The following NEK1 variants were observed in gnomAD, a reference collection of about 807,000 sequenced individuals.
NEK1 encodes the protein serine/threonine-protein kinase Nek1.
A neutral mutation model predicts 182.1 loss-of-function variants in NEK1; 137 were observed. The observed-to-expected ratio is 0.75, with a 90% CI of 0.65 to 0.87. The LOEUF (loss-of-function observed/expected upper bound fraction) is 0.87. Among genes scored for constraint, NEK1 ranks in the 40% least tolerant of loss-of-function variants. NEK1 has a pLI of 0.00. For missense variants in NEK1, 1,391 were observed against 1,494.4 expected (o/e 0.93, Z 1.14); for synonymous variants, 513 against 492.2 (o/e 1.04, Z -0.56).
At chr4:169,490,186 T>C (rs899402763) in intron 23 of NEK1, among the ~76,000 whole-genome samples, 2 of 152,096 alleles carry the variant, frequency 1.3e-5, no homozygotes, top group African/African-American at 2.4e-5. Flanking sequence ...CTCAAATTGA[T>C]TACAACTGAA....
At chr4:169,522,238 T>C (rs1449691890) in intron 19 of NEK1, among the ~76,000 whole-genome samples, 1 of 152,222 alleles carries the variant, frequency 6.6e-6, no homozygotes, top group African/African-American at 2.4e-5. Flanking sequence ...AAAACTTCTA[T>C]TTGTTTGCTG....
chr4:169,450,647 C>A (rs1390030952), intron 27 of NEK1, among the ~76,000 whole-genome samples: 1 of 152,032 alleles, frequency 6.6e-6, no homozygotes, highest in Non-Finnish European at 1.5e-5. Flanking sequence ...TACAAGAGCT[C>A]CTGAAGGAAG....
rs1357103818 is a variant in NEK1, at chr4:169,477,623, TA to T, written c.2140-127del. ...GTTCCTTGTAAATTTTTTATTCCTA[TA>T]AAATGTTAACAAAGCTTCCTTCATT... is the stretch of plus-strand genomic sequence containing the variant. On this transcript the variant is annotated intron_variant, in intron 24 of 35. Transcript: ENST00000507142. The T allele has an allele frequency of 6.0e-6, 4 of 661,486 alleles. No individual in the cohort carries two copies. The Admixed American group carries it at 1.3e-4, about 22-fold the overall frequency. 41.0% of individuals were successfully genotyped at this position (661,486 alleles called of 1,614,324 possible). A position where few individuals can be genotyped will look rare whatever the true frequency, so the allele number is the denominator to read the frequency against.
chr4:169,496,140 T>G (rs189681721), intron 23 of NEK1, among the ~76,000 whole-genome samples: 213 of 152,344 alleles, frequency 1.4e-3, no homozygotes, highest in African/African-American at 4.9e-3. Context: ...GTTGGATTGC[T>G]AGGTATTTTA....
chr4:169,443,496 A>T (rs1383132644), intron 27 of NEK1, among the ~76,000 whole-genome samples: 1 of 151,982 alleles, frequency 6.6e-6, no homozygotes, highest in Non-Finnish European at 1.5e-5. Context: ...AAAGGATAAA[A>T]GAAAAAAAAA....
At chr4:169,459,681 A>G (rs1416955292) in intron 27 of NEK1, among the ~76,000 whole-genome samples, 1 of 152,218 alleles carries the variant, frequency 6.6e-6, no homozygotes, top group Non-Finnish European at 1.5e-5. Context: ...ACATCCATAC[A>G]ATGTAATATT....
chr4:169,433,063 C>A (rs925233656), intron 29 of NEK1, among the ~76,000 whole-genome samples: 12 of 151,850 alleles, frequency 7.9e-5, no homozygotes, highest in Non-Finnish European at 1.8e-4. Context: ...CCGTGCCTGG[C>A]CCACTTTATT....
chr4:169,395,669 T>C (rs541819686), intron 35 of NEK1, among the ~76,000 whole-genome samples: 2 of 152,322 alleles, frequency 1.3e-5, no homozygotes, highest in South Asian at 2.1e-4. Context: ...CACATATCCA[T>C]AATATGTAGA....
intron 23 of NEK1, among the ~76,000 whole-genome samples, chr4:169,492,482 C>T (rs1346003760): frequency 6.6e-6 from 1 of 152,150 alleles, no homozygotes; most frequent in African/African-American, 2.4e-5. Flanking sequence ...TGACAACACA[C>T]TGGCTGCTAA....
chr4:169,514,638 T>C (rs1561330480), intron 19 of NEK1, among the ~76,000 whole-genome samples: 1 of 152,232 alleles, frequency 6.6e-6, no homozygotes, highest in Non-Finnish European at 1.5e-5. Flanking sequence ...TCTTCTAAGT[T>C]GTTGAATTTA....
At chr4:169,595,414 TTAA>T (rs1422989958) in intron 5 of NEK1, among the ~76,000 whole-genome samples, 5 of 152,330 alleles carry the variant, frequency 3.3e-5, no homozygotes, top group East Asian at 1.9e-4. Flanking sequence ...ATATTTGATC[TTAA>T]TAATTTACTC....
At position 169,612,493 on chromosome 4, in the gene NEK1, C is replaced by T. The variant is rs561892741; in HGVS notation, c.-444G>A. The T allele has an allele frequency of 6.6e-6, 1 of 152,418 alleles. No individual in the cohort carries two copies. Among genetic ancestry groups the T allele is most frequent in the South Asian group, 2.1e-4 (1 of 4,810 alleles). The allele number at this position is 152,418 out of a possible 1,614,324, so 9.4% of individuals were successfully genotyped here. A position where few individuals can be genotyped will look rare whatever the true frequency, so the allele number is the denominator to read the frequency against. Reference sequence around the variant, plus strand: ...GTGCTCCTGCCTCGCAACAGCGGCTCTAGATTCCGAGTTATGGGGACAACT... The same window carrying T: ...GTGCTCCTGCCTCGCAACAGCGGCTTTAGATTCCGAGTTATGGGGACAACT... On this transcript the variant is annotated 5_prime_UTR_variant, in exon 1 of 36. Coordinates refer to ENST00000507142, the MANE Select transcript of NEK1 (RefSeq NM_001199397.3).
chr4:169,545,099 T>A (rs1309113416), intron 18 of NEK1, among the ~76,000 whole-genome samples: 7 of 149,646 alleles, frequency 4.7e-5, no homozygotes, highest in African/African-American at 1.7e-4. Flanking sequence ...CATGTGCACA[T>A]TGTGCAGGTT....
intron 12 of NEK1, 130 bp from the exon 13 acceptor site, chr4:169,562,326 T>C: frequency 1.8e-6 from 1 of 560,132 alleles, no homozygotes; most frequent in Non-Finnish European, 2.9e-6. Context: ...CCAAATTACA[T>C]TATCTTAAAA....
Position 169,561,869 on chromosome 4 carries a change from A to G in NEK1, c.1103T>C (p.Leu368Pro), listed in dbSNP as rs1217670480. 6.2e-7 allele frequency: 1 copy of G among 1,608,800 alleles called. No individual in the cohort carries two copies. The highest frequency in any genetic ancestry group is 2.2e-5 in the East Asian group (1 of 44,706). Residue 368 changes from leucine (L) to proline (P), a missense_variant, in exon 14 of 36, where the codon CTG becomes CCG. Leu to Pro is a moderately conservative substitution (Grantham distance 98). Coordinates refer to ENST00000507142, the MANE Select transcript of NEK1 (RefSeq NM_001199397.3). ...ISEEAARKRR[L>P]EFIEKEKKQK... Reference sequence around the variant, plus strand: ...TTTCTTTTCTTTTTCAATAAATTCCAGCCTTCTCTTTCTTGCTGCTTCCTT... The same window carrying G: ...TTTCTTTTCTTTTTCAATAAATTCCGGCCTTCTCTTTCTTGCTGCTTCCTT...
intron 31 of NEK1, among the ~76,000 whole-genome samples, chr4:169,418,062 G>T (rs1734835118): frequency 6.6e-6 from 1 of 152,332 alleles, no homozygotes; most frequent in South Asian, 2.1e-4. Context: ...GGCCAAAACA[G>T]CTGGGGAGTT....
At chr4:169,585,788 A>AT (rs1466258950) in intron 9 of NEK1, among the ~76,000 whole-genome samples, 1 of 152,166 alleles carries the variant, frequency 6.6e-6, no homozygotes. Flanking sequence ...GATGTATTAA[A>AT]TAAACGTTTC....
intron 26 of NEK1, among the ~76,000 whole-genome samples, chr4:169,470,631 G>A (rs550089032): frequency 2.2e-4 from 33 of 152,268 alleles, no homozygotes; most frequent in Middle Eastern, 3.4e-3. Context: ...TCTTTGTGGC[G>A]TTCTCTGTAT....
chr4:169,419,859 C>T (rs1735173631), intron 31 of NEK1, among the ~76,000 whole-genome samples: 1 of 152,050 alleles, frequency 6.6e-6, no homozygotes, highest in Admixed American at 6.6e-5. Flanking sequence ...TATCTAAACA[C>T]TAAGGTATAG....
Sources: gnomAD v4.1 joint callset for allele counts (sites outside exome capture counted in the v4.1 genomes callset) on GRCh38, gnomAD v4.1.1 for gene constraint, MANE v1.5 for transcripts, NCBI Gene and HGNC (gene_info 2026-07-23, HGNC 2026-07-21) for gene names.